The following SEM1 variants were observed in gnomAD, a reference collection of about 807,000 sequenced individuals.
The protein encoded by SEM1 is 26S proteasome complex subunit SEM1.
In SEM1, 3 loss-of-function variants were observed where a neutral mutation model predicts 12.7. That is an observed-to-expected ratio of 0.24 (90% CI 0.11 to 0.61). The LOEUF (loss-of-function observed/expected upper bound fraction) is 0.61, where lower values mean the gene tolerates loss of function less well. Ranked by LOEUF, SEM1 falls within the 20% of genes least tolerant of loss-of-function variation. SEM1 has a pLI of 0.88. For synonymous variants in SEM1, 30 were observed against 27.8 expected (o/e 1.08, Z -0.25); for missense variants, 59 against 81.3 (o/e 0.73, Z 1.06).
intron 2 of SEM1, among the ~76,000 whole-genome samples, chr7:96,537,310 T>G (rs1198051242): frequency 6.6e-6 from 1 of 151,756 alleles, no homozygotes. Flanking sequence ...TTTAGATCAA[T>G]TACAAATAAG....
At chr7:96,705,120 T>A (rs764781318) in intron 1 of SEM1, among the ~76,000 whole-genome samples, 30 of 152,170 alleles carry the variant, frequency 2.0e-4, no homozygotes, top group Non-Finnish European at 4.3e-4. Context: ...ATCACCAGTC[T>A]GTTGTCTGCC....
chr7:96,577,012 G>A (rs1806226814), intron 2 of SEM1, among the ~76,000 whole-genome samples: 1 of 152,070 alleles, frequency 6.6e-6, no homozygotes, highest in Non-Finnish European at 1.5e-5. Flanking sequence ...AGCTACTCGG[G>A]AGGCTGAGGC....
At chr7:96,571,755 C>CT (rs1278940129) in intron 2 of SEM1, among the ~76,000 whole-genome samples, 3 of 151,840 alleles carry the variant, frequency 2.0e-5, no homozygotes, top group Admixed American at 1.3e-4. Flanking sequence ...CTGAAATTTT[C>CT]TTTTTTTGTT....
intron 2 of SEM1, among the ~76,000 whole-genome samples, chr7:96,566,748 C>A (rs1484939818): frequency 6.6e-6 from 1 of 151,574 alleles, no homozygotes; most frequent in Non-Finnish European, 1.5e-5. Flanking sequence ...CACATAATTT[C>A]TTTCAGTACT....
At chr7:96,586,815 G>A (rs1175060485) in intron 2 of SEM1, among the ~76,000 whole-genome samples, 3 of 152,108 alleles carry the variant, frequency 2.0e-5, no homozygotes, top group African/African-American at 7.2e-5. Flanking sequence ...CTTTTTGACA[G>A]ATGAGGAAAT....
chr7:96,502,520 G>A (rs916507369), intron 3 of SEM1, among the ~76,000 whole-genome samples: 1 of 152,050 alleles, frequency 6.6e-6, no homozygotes. Flanking sequence ...TTTTCTATTT[G>A]TAAAAATGGG....
Position 96,522,747 on chromosome 7 carries a change from C to T in SEM1, c.171-16049G>A, listed in dbSNP as rs542325953. Among the ~76,000 whole-genome samples, 31 of 148,044 alleles carry T rather than the reference C, an allele frequency of 2.1e-4. No individual in the cohort carries two copies. The South Asian group carries it at 3.5e-3, about 17-fold the overall frequency. On this transcript the variant is annotated intron_variant and NMD_transcript_variant, in intron 2 of 3. Transcript: ENST00000466986. ...ACCCCCCCCCCAAAAAAAAATTAGC[C>T]GGATGTGGTGGCACATGCTTGTAAT...
intron 2 of SEM1, among the ~76,000 whole-genome samples, chr7:96,527,480 G>A (rs1226669699): frequency 6.6e-6 from 1 of 152,074 alleles, no homozygotes; most frequent in Non-Finnish European, 1.5e-5. Context: ...GGCTTCCTAT[G>A]TGATTTTACC....
chr7:96,489,222 C>T (rs1230353843), intron 1 of SEM1, among the ~76,000 whole-genome samples: 1 of 152,146 alleles, frequency 6.6e-6, no homozygotes, highest in Non-Finnish European at 1.5e-5. Flanking sequence ...GCCTATTGCT[C>T]TGCTCCATTC....
chr7:96,560,561 T>G (rs1805663104), intron 2 of SEM1, among the ~76,000 whole-genome samples: 1 of 152,230 alleles, frequency 6.6e-6, no homozygotes, highest in East Asian at 1.9e-4. Context: ...CCAAATACGT[T>G]TTTTACATGT....
At chr7:96,513,663 T>C (rs1212311774) in intron 2 of SEM1, among the ~76,000 whole-genome samples, 2 of 151,934 alleles carry the variant, frequency 1.3e-5, no homozygotes, top group Non-Finnish European at 1.5e-5. Flanking sequence ...ACCCCATCTC[T>C]ACCAAAAATA....
At chr7:96,551,999 A>G (rs972810939) in intron 2 of SEM1, among the ~76,000 whole-genome samples, 2 of 152,198 alleles carry the variant, frequency 1.3e-5, no homozygotes, top group Non-Finnish European at 2.9e-5. Context: ...ACAAGAAGCT[A>G]GTACACAGAG....
chr7:96,572,533 A>G (rs1230611080), intron 2 of SEM1, among the ~76,000 whole-genome samples: 2 of 152,114 alleles, frequency 1.3e-5, no homozygotes, highest in South Asian at 4.1e-4. Flanking sequence ...CCTTCATTTC[A>G]TTATTTACCC....
intron 2 of SEM1, among the ~76,000 whole-genome samples, chr7:96,630,092 G>A (rs1300596709): frequency 6.6e-6 from 1 of 152,198 alleles, no homozygotes; most frequent in Non-Finnish European, 1.5e-5. Context: ...AGTCACCACA[G>A]CATTGGGTGT....
At chr7:96,636,583 A>T (rs1421567808) in intron 2 of SEM1, among the ~76,000 whole-genome samples, 1 of 152,086 alleles carries the variant, frequency 6.6e-6, no homozygotes, top group Non-Finnish European at 1.5e-5. Flanking sequence ...TATAACCAGG[A>T]TCTCTAAAGT....
At chr7:96,665,518 T>C (rs772185175) in intron 2 of SEM1, among the ~76,000 whole-genome samples, 2 of 152,206 alleles carry the variant, frequency 1.3e-5, no homozygotes, top group Non-Finnish European at 2.9e-5. Context: ...TATTTATAAA[T>C]AGAAAAATAC....
At chr7:96,545,142 G>A (rs899246207) in intron 2 of SEM1, among the ~76,000 whole-genome samples, 10 of 151,876 alleles carry the variant, frequency 6.6e-5, no homozygotes, top group African/African-American at 2.4e-4. Context: ...CCCTTTTTAG[G>A]TTCTTCCACT....
chr7:96,571,397 G>T (rs1018230080), intron 2 of SEM1, among the ~76,000 whole-genome samples: 1 of 151,858 alleles, frequency 6.6e-6, no homozygotes, highest in African/African-American at 2.4e-5. Context: ...GTATGGAAGG[G>T]TTCCAGTTTC....
chr7:96,622,387 G>A, downstream of SEM1: 1 of 510,662 alleles, frequency 2.0e-6, no homozygotes, highest in South Asian at 3.6e-5. Flanking sequence ...AGAATGATGA[G>A]AAAAATTTCT....
Sources: allele counts gnomAD v4.1 joint callset (sites outside exome capture counted in the v4.1 genomes callset), GRCh38; gene constraint gnomAD v4.1.1; transcripts MANE v1.5; gene names NCBI Gene and HGNC (gene_info 2026-07-23, HGNC 2026-07-21).